The following NKAIN2 variants were observed in gnomAD, a reference collection of about 807,000 sequenced individuals.
NKAIN2 encodes the protein sodium/potassium-transporting ATPase subunit beta-1-interacting protein 2.
Under a neutral mutation model 32.6 loss-of-function variants are expected in NKAIN2, and 14 were observed. That is an observed-to-expected ratio of 0.43 (90% CI 0.28 to 0.67). The LOEUF is 0.67. NKAIN2 is among the 30% of genes least tolerant of loss of function. NKAIN2 has a pLI of 0.17. For synonymous variants in NKAIN2, 80 were observed against 87.2 expected (o/e 0.92, Z 0.46); for missense variants, 198 against 258.3 (o/e 0.77, Z 1.60).
intron 4 of NKAIN2, among the ~76,000 whole-genome samples, chr6:124,692,639 AC>A: frequency 6.6e-6 from 1 of 152,148 alleles, no homozygotes; most frequent in East Asian, 1.9e-4. Flanking sequence ...ACACAGTGAA[AC>A]CCTGTCTCTA....
intron 1 of NKAIN2, among the ~76,000 whole-genome samples, chr6:123,872,887 A>G (rs907895831): frequency 6.6e-6 from 1 of 152,212 alleles, no homozygotes; most frequent in Non-Finnish European, 1.5e-5. Flanking sequence ...ATTAATCCTT[A>G]TAACACCTAA....
intron 3 of NKAIN2, among the ~76,000 whole-genome samples, chr6:124,431,208 G>T (rs1413519053): frequency 1.3e-5 from 2 of 152,118 alleles, no homozygotes; most frequent in Non-Finnish European, 2.9e-5. Flanking sequence ...GCATCCAGGG[G>T]CTTGTTTGAT....
At chr6:124,249,536 T>G (rs978368065) in intron 1 of NKAIN2, among the ~76,000 whole-genome samples, 19 of 152,112 alleles carry the variant, frequency 1.2e-4, no homozygotes, top group African/African-American at 4.6e-4. Flanking sequence ...ATGGATTAGT[T>G]ACCCTGAGCA....
At chr6:124,200,989 C>G (rs956070455) in intron 1 of NKAIN2, among the ~76,000 whole-genome samples, 3 of 151,978 alleles carry the variant, frequency 2.0e-5, no homozygotes, top group Admixed American at 6.6e-5. Context: ...AGGACAGGGT[C>G]AAAGTTGGCT....
chr6:123,838,773 T>C (rs913131440), intron 1 of NKAIN2, among the ~76,000 whole-genome samples: 5 of 152,176 alleles, frequency 3.3e-5, no homozygotes, highest in African/African-American at 9.7e-5. Flanking sequence ...AAATGAGTAA[T>C]TGCCATTTAA....
chr6:123,951,126 TTG>T (rs1777306669), intron 1 of NKAIN2, among the ~76,000 whole-genome samples: 1 of 151,954 alleles, frequency 6.6e-6, no homozygotes, highest in African/African-American at 2.4e-5. Context: ...GAGAAGATAC[TTG>T]TTATGATTTT....
In NKAIN2 at chr6:124,296,681, A is replaced by G. The variant is rs748664808; in HGVS notation, c.192+13539A>G. Among the ~76,000 whole-genome samples, 10 of 152,186 alleles carry G rather than the reference A, an allele frequency of 6.6e-5. 1 individual carries two copies. Among genetic ancestry groups the G allele is most frequent in the Non-Finnish European group, 1.2e-4 (8 of 68,034 alleles). ...CCACATCAAAATTCCTATTATTTCC[A>G]TGTTTTCAAGTGTGATCTGTGGATA... On this transcript the variant is annotated intron_variant, in intron 2 of 6. Transcript: ENST00000368417.
intron 3 of NKAIN2, chr6:124,390,915 G>A (rs1478646103): frequency 1.3e-5 from 2 of 151,766 alleles, no homozygotes; most frequent in Non-Finnish European, 2.9e-5. Flanking sequence ...TAAGTTCCAT[G>A]AGGAACTAGG....
At chr6:124,024,757 A>C (rs916898658) in intron 1 of NKAIN2, among the ~76,000 whole-genome samples, 4 of 151,868 alleles carry the variant, frequency 2.6e-5, no homozygotes, top group African/African-American at 9.7e-5. Context: ...GGGAGGCGGA[A>C]GTGGGTGGAT....
chr6:124,755,322 A>G (rs1002751747), intron 4 of NKAIN2, among the ~76,000 whole-genome samples: 1 of 152,148 alleles, frequency 6.6e-6, no homozygotes, highest in African/African-American at 2.4e-5. Flanking sequence ...TGTTCTAGCC[A>G]TACTGGCAGC....
intron 1 of NKAIN2, among the ~76,000 whole-genome samples, chr6:123,843,859 G>A (rs1477219501): frequency 2.5e-4 from 38 of 152,048 alleles, no homozygotes; most frequent in Admixed American, 2.5e-3. Flanking sequence ...GGTAATAAAA[G>A]TTTTCTAGGA....
chr6:124,652,130 C>T (rs1037771758), intron 3 of NKAIN2, among the ~76,000 whole-genome samples: 1 of 152,202 alleles, frequency 6.6e-6, no homozygotes, highest in Non-Finnish European at 1.5e-5. Flanking sequence ...TATCCTGGAT[C>T]ATCACTCTTA....
At chr6:123,996,886 G>A (rs1308566220) in intron 1 of NKAIN2, among the ~76,000 whole-genome samples, 1 of 152,096 alleles carries the variant, frequency 6.6e-6, no homozygotes, top group Non-Finnish European at 1.5e-5. Flanking sequence ...TGCTAAAATG[G>A]TAAAATGCAA....
chr6:124,235,435 T>C (rs895793448), intron 1 of NKAIN2, among the ~76,000 whole-genome samples: 31 of 152,220 alleles, frequency 2.0e-4, no homozygotes, highest in African/African-American at 7.0e-4. Context: ...AGTTTAGATT[T>C]TGGTGGTATT....
At chr6:123,889,986 C>T (rs551947263) in intron 1 of NKAIN2, among the ~76,000 whole-genome samples, 1 of 152,126 alleles carries the variant, frequency 6.6e-6, no homozygotes, top group South Asian at 2.1e-4. Context: ...TAAGGATTGC[C>T]ACTCATCTGC....
chr6:124,127,072 G>T (rs926176713), intron 1 of NKAIN2, among the ~76,000 whole-genome samples: 11 of 152,168 alleles, frequency 7.2e-5, no homozygotes, highest in African/African-American at 2.7e-4. Context: ...TATATAGAGA[G>T]AGAGAGAAGA....
intron 5 of NKAIN2, among the ~76,000 whole-genome samples, chr6:124,804,261 T>G (rs934949860): frequency 1.3e-5 from 2 of 152,158 alleles, no homozygotes; most frequent in Non-Finnish European, 2.9e-5. Flanking sequence ...TTTCTTAAAA[T>G]CTCACCTAAG....
chr6:124,798,426 G>A (rs1302047421), intron 5 of NKAIN2, among the ~76,000 whole-genome samples: 1 of 151,808 alleles, frequency 6.6e-6, no homozygotes, highest in Non-Finnish European at 1.5e-5. Flanking sequence ...AAAAAATTTT[G>A]TCCATATCTG....
chr6:124,638,515 A>T (rs1012783869), intron 3 of NKAIN2, among the ~76,000 whole-genome samples: 5 of 152,202 alleles, frequency 3.3e-5, no homozygotes, highest in African/African-American at 1.2e-4. Flanking sequence ...TATTCGTACA[A>T]GAGATTAATA....
Sources: gnomAD v4.1 joint callset for allele counts (sites outside exome capture counted in the v4.1 genomes callset) on GRCh38, gnomAD v4.1.1 for gene constraint, MANE v1.5 for transcripts, NCBI Gene and HGNC (gene_info 2026-07-23, HGNC 2026-07-21) for gene names.